SLC35E3: variants seen among roughly 807,000 people sequenced by gnomAD.
The protein encoded by SLC35E3 is solute carrier family 35 member E3, also known as bladder cancer-overexpressed gene 1 protein.
A neutral mutation model predicts 30.8 loss-of-function variants in SLC35E3; 28 were observed. That is an observed-to-expected ratio of 0.91 (90% CI 0.67 to 1.25). The LOEUF (loss-of-function observed/expected upper bound fraction) is 1.25, where lower values mean the gene tolerates loss of function less well. Ranked by LOEUF, SLC35E3 falls within the 50% of genes most tolerant of loss-of-function variation. SLC35E3 has a pLI of 0.00. For missense variants in SLC35E3, 365 were observed against 375.4 expected (o/e 0.97, Z 0.23); for synonymous variants, 146 against 149.2 (o/e 0.98, Z 0.16).
rs115270906 is a variant in SLC35E3, at chr12:68,769,730, C to A, written c.*4840C>A. 1 of 152,242 alleles carries A rather than the reference C, an allele frequency of 6.6e-6. No homozygotes were observed. The highest frequency in any genetic ancestry group is 2.4e-5 in the African/African-American group (1 of 41,542). 9.4% of individuals were successfully genotyped at this position (152,242 alleles called of 1,614,324 possible). A position where few individuals can be genotyped will look rare whatever the true frequency, so the allele number is the denominator to read the frequency against. On this transcript the variant is annotated 3_prime_UTR_variant, in exon 5 of 5. Coordinates refer to ENST00000398004, the MANE Select transcript of SLC35E3 (RefSeq NM_018656.5). ...TCCGTTTTGTCTTTCTGTTCCCAAA[C>A]TTAAACTGGATTATACCTGCTAATA...
chr12:68,747,707 G>A (rs1368024453), intron 1 of SLC35E3, among the ~76,000 whole-genome samples: 1 of 152,144 alleles, frequency 6.6e-6, no homozygotes, highest in Non-Finnish European at 1.5e-5. Flanking sequence ...CACAAATTTA[G>A]AATGGAATTA....
At chr12:68,747,909 T>C in intron 1 of SLC35E3, 21 bp from the exon 2 acceptor site, 2 of 1,283,640 alleles carry the variant, frequency 1.6e-6, no homozygotes, top group East Asian at 4.6e-5. Flanking sequence ...CTGAACAACA[T>C]TTACCTCTTT....
intron 2 of SLC35E3, among the ~76,000 whole-genome samples, chr12:68,749,159 C>T (rs1271076879): frequency 6.6e-6 from 1 of 152,166 alleles, no homozygotes; most frequent in Non-Finnish European, 1.5e-5. Flanking sequence ...CATTTTTGTT[C>T]ACACAAGTCT....
Position 68,765,313 on chromosome 12 carries a change from A to G in SLC35E3, c.*423A>G, listed in dbSNP as rs910661791. 1 of 152,506 alleles carries G rather than the reference A, an allele frequency of 6.6e-6. No individual in the cohort carries two copies. The highest frequency in any genetic ancestry group is 2.4e-5 in the African/African-American group (1 of 41,398). The allele number at this position is 152,506 out of a possible 1,614,324, so 9.4% of individuals were successfully genotyped here. On this transcript the variant is annotated 3_prime_UTR_variant, in exon 5 of 5. Transcript: ENST00000398004. ...TGGAATGATTTGTCGGAATTAACAC[A>G]AAGCAGATTTTATTCATATAATGAC...
intron 1 of SLC35E3, 105 bp downstream of exon 1, chr12:68,746,884 A>G (rs994683813): frequency 4.8e-5 from 60 of 1,241,926 alleles, no homozygotes; most frequent in Non-Finnish European, 6.1e-5. Context: ...CTTGAAATCC[A>G]CAAATGAGTC....
At position 68,758,735 on chromosome 12, in the gene SLC35E3, T is replaced by C. The variant is rs1377341274; in HGVS notation, c.673-422T>C. Among the ~76,000 whole-genome samples the C allele has an allele frequency of 4.8e-3, 488 of 102,624 alleles. 5 individuals carry two copies. Among genetic ancestry groups the C allele is most frequent in the African/African-American group, 0.019 (466 of 24,064 alleles). The allele number at this position is 102,624 out of a possible 152,430, so 67.3% of individuals were successfully genotyped here. ...CCAACCCCAAATTCTCTTTCTTTTTTTTTTTTTTTTTTTTTTTTTTTTTTG... is the reference window on the plus strand; with the variant it reads ...CCAACCCCAAATTCTCTTTCTTTTTCTTTTTTTTTTTTTTTTTTTTTTTTG... On this transcript the variant is annotated intron_variant, in intron 3 of 4. Transcript: ENST00000398004.
At chr12:68,749,163 C>T (rs2136066083) in intron 2 of SLC35E3, among the ~76,000 whole-genome samples, 1 of 152,234 alleles carries the variant, frequency 6.6e-6, no homozygotes, top group South Asian at 2.1e-4. Flanking sequence ...TTTGTTCACA[C>T]AAGTCTCAAA....
At position 68,764,847 on chromosome 12, in the gene SLC35E3, G is replaced by T. The variant is rs1260254264; in HGVS notation, c.899G>T (p.Ser300Ile). ...CTCGCCTATACCCACTTTAAGCTCA[G>T]TGAACAGGAAGGAAGTAGGAGTAAA... ...GILAYTHFKL[S>I]EQEGSRSKLA... The change falls in exon 5 of 5, where the codon AGT (serine) becomes ATT (isoleucine). Residue 300 changes from serine to isoleucine, a missense_variant. Transcript: ENST00000398004. 2 of 1,614,080 alleles carry T rather than the reference G, an allele frequency of 1.2e-6. No individual in the cohort carries two copies. Among genetic ancestry groups the T allele is most frequent in the Non-Finnish European group, 8.5e-7 (1 of 1,180,012 alleles).
In SLC35E3 at chr12:68,778,235, A is replaced by G. The variant is rs1408792284; in HGVS notation, c.*13345A>G. On this transcript the variant is annotated 3_prime_UTR_variant, in exon 5 of 5. Coordinates refer to ENST00000398004, the MANE Select transcript of SLC35E3 (RefSeq NM_018656.5). ...GATTTTTTTTTTTAAAGAACAATCC[A>G]CCACAAACATAGCAATCATGAACAA... The G allele has an allele frequency of 2.0e-5, 3 of 152,154 alleles. No homozygotes were observed. Among genetic ancestry groups the G allele is most frequent in the Admixed American group, 2.0e-4 (3 of 15,270 alleles). The allele number at this position is 152,154 out of a possible 1,614,324, so 9.4% of individuals were successfully genotyped here.
intron 4 of SLC35E3, chr12:68,760,169 A>G (rs1879192404): frequency 6.6e-6 from 1 of 152,434 alleles, no homozygotes; most frequent in Admixed American, 6.5e-5. Flanking sequence ...GGGAGAACCT[A>G]TCTCTACCAA....
Position 68,774,605 on chromosome 12 carries a change from G to C in SLC35E3, c.*9715G>C, listed in dbSNP as rs1879689062. On this transcript the variant is annotated 3_prime_UTR_variant, in exon 5 of 5. Coordinates refer to ENST00000398004, the MANE Select transcript of SLC35E3 (RefSeq NM_018656.5). ...AAAAAAAAAAAAATTAGGTATATTG[G>C]TGTGCACCTGTGGTCTCAGCTACTC... The C allele has an allele frequency of 6.6e-6, 1 of 152,374 alleles. No homozygotes were observed. The highest frequency in any genetic ancestry group is 1.5e-5 in the Non-Finnish European group (1 of 68,670). The allele number at this position is 152,374 out of a possible 1,614,324, so 9.4% of individuals were successfully genotyped here. A position where few individuals can be genotyped will look rare whatever the true frequency, so the allele number is the denominator to read the frequency against.
intron 3 of SLC35E3, among the ~76,000 whole-genome samples, chr12:68,753,388 G>A (rs1409210586): frequency 2.0e-5 from 3 of 151,928 alleles, no homozygotes; most frequent in African/African-American, 7.3e-5. Flanking sequence ...AGGAGGTCGA[G>A]GCTGCAGTGA....
At position 68,759,021 on chromosome 12, in the gene SLC35E3, G is replaced by T. The variant is rs371328545; in HGVS notation, c.673-136G>T. On this transcript the variant is annotated intron_variant, in intron 3 of 4. Transcript: ENST00000398004. ...TGGGATTACAGGCGTGAGCCACCGC[G>T]CCCGGCCCTCTCTTTCTAATCTTAT... The T allele has an allele frequency of 7.3e-4, 489 of 670,906 alleles. 1 individual carries two copies. In the African/African-American group the frequency reaches 8.4e-3, roughly 12 times the overall value. The allele number at this position is 670,906 out of a possible 1,614,324, so 41.6% of individuals were successfully genotyped here. A position where few individuals can be genotyped will look rare whatever the true frequency, so the allele number is the denominator to read the frequency against.
rs965014206 is a variant in SLC35E3, at chr12:68,753,991, C to T, written c.672+1801C>T. 2.6e-5 allele frequency among the ~76,000 whole-genome samples: 4 copies of T among 151,938 alleles called. No homozygotes were observed. The South Asian group carries it at 8.3e-4, about 31-fold the overall frequency. On this transcript the variant is annotated intron_variant, in intron 3 of 4. Coordinates refer to ENST00000398004, the MANE Select transcript of SLC35E3 (RefSeq NM_018656.5). ...CTCAGACCCTAGCTGGGACTATAGGCGCACACCACCACGCCCAGCTAATTT... is the reference window on the plus strand; with the variant it reads ...CTCAGACCCTAGCTGGGACTATAGGTGCACACCACCACGCCCAGCTAATTT...
Position 68,747,936 on chromosome 12 carries a change from A to G in SLC35E3, c.409A>G (p.Ile137Val), listed in dbSNP as rs149260457. 2.6e-6 allele frequency: 4 copies of G among 1,545,802 alleles called. No individual in the cohort carries two copies. In the South Asian group the frequency reaches 3.4e-5, roughly 13 times the overall value. ...TACCTCTTTTTCGTTACAGATTCCT[A>G]TAACTTTAGGTGTAATCCTAAATTC... ...STRIQLTLIP[I>V]TLGVILNSYY... The change falls in exon 2 of 5, where the codon ATA (isoleucine) becomes GTA (valine). Residue 137 changes from isoleucine (I) to valine (V), a missense_variant. Transcript: ENST00000398004.
rs1323384857 is a variant in SLC35E3 at position 68,746,683 on chromosome 12, C to G, written c.306C>G (p.Thr102=). The change falls in exon 1 of 5, where the codon ACC becomes ACG. Residue 102 remains threonine (T), a synonymous_variant. Coordinates refer to ENST00000398004, the MANE Select transcript of SLC35E3 (RefSeq NM_018656.5). Reference sequence around the variant, plus strand: ...CTCTGCAGAACAACACCATAGGCACCTATCAGCTGGCCAAGGCCATGACCA... The same window carrying G: ...CTCTGCAGAACAACACCATAGGCACGTATCAGCTGGCCAAGGCCATGACCA... ...NLSLQNNTIG[T]YQLAKAMTTP... The G allele has an allele frequency of 1.2e-6, 2 of 1,614,116 alleles. No individual in the cohort carries two copies. Among genetic ancestry groups the G allele is most frequent in the Non-Finnish European group, 8.5e-7 (1 of 1,180,042 alleles).
At chr12:68,749,131 C>G (rs1233709403) in intron 2 of SLC35E3, among the ~76,000 whole-genome samples, 1 of 152,116 alleles carries the variant, frequency 6.6e-6, no homozygotes, top group Non-Finnish European at 1.5e-5. Context: ...GAGTACTCAC[C>G]ATCTCTGTCA....
Position 68,770,551 on chromosome 12 carries a change from C to A in SLC35E3, c.*5661C>A, listed in dbSNP as rs1198040080. On this transcript the variant is annotated 3_prime_UTR_variant, in exon 5 of 5. Transcript: ENST00000398004. ...AGGGGTGAAGTTAAGGATCACACTTCAGCTGGGCACAGTGGCTCATGCCTG... is the reference window on the plus strand; with the variant it reads ...AGGGGTGAAGTTAAGGATCACACTTAAGCTGGGCACAGTGGCTCATGCCTG... 1 of 152,386 alleles carries A rather than the reference C, an allele frequency of 6.6e-6. No individual in the cohort carries two copies. Among genetic ancestry groups the A allele is most frequent in the Non-Finnish European group, 1.5e-5 (1 of 68,192 alleles). 9.4% of individuals were successfully genotyped at this position (152,386 alleles called of 1,614,324 possible).
chr12:68,752,103 A>G lies in SLC35E3; in HGVS notation c.585A>G (p.Ser195=). 6.2e-7 allele frequency: 1 copy of G among 1,614,032 alleles called. No individual in the cohort carries two copies. The highest frequency in any genetic ancestry group is 1.1e-5 in the South Asian group (1 of 91,042). The change falls in exon 3 of 5, where the codon TCA becomes TCG. Residue 195 remains serine (S), a synonymous_variant. Transcript: ENST00000398004. ...MQLLYYQAPM[S]SAMLLVAVPF... Reference sequence around the variant, plus strand: ...TGCTGTACTACCAGGCTCCGATGTCATCTGCCATGTTGCTGGTTGCTGTGC... The same window carrying G: ...TGCTGTACTACCAGGCTCCGATGTCGTCTGCCATGTTGCTGGTTGCTGTGC...
Sources: allele counts gnomAD v4.1 joint callset (sites outside exome capture counted in the v4.1 genomes callset), GRCh38; gene constraint gnomAD v4.1.1; transcripts MANE v1.5; gene names NCBI Gene and HGNC (gene_info 2026-07-23, HGNC 2026-07-21).